Variants in PPP2R2B observed in about 807,000 individuals in gnomAD.
The protein encoded by PPP2R2B is serine/threonine-protein phosphatase 2A 55 kDa regulatory subunit B beta isoform.
PPP2R2B carries 5 observed loss-of-function variants against 46.0 expected under a neutral mutation model. The ratio of observed to expected loss-of-function variants is 0.11; its 90% CI spans 0.06 to 0.23. PPP2R2B has a LOEUF of 0.23. Ranked by LOEUF, PPP2R2B falls within the 10% of genes least tolerant of loss-of-function variation. The pLI is 1.00. For synonymous variants in PPP2R2B, 215 were observed against 206.7 expected (o/e 1.04, Z -0.34); for missense variants, 367 against 575.0 (o/e 0.64, Z 3.70).
intron 1 of PPP2R2B, among the ~76,000 whole-genome samples, chr5:146,944,058 C>T (rs954186295): frequency 1.3e-5 from 2 of 152,186 alleles, no homozygotes; most frequent in Admixed American, 6.6e-5. Flanking sequence ...GACCAGCCTC[C>T]TCATCCTTAT....
intron 1 of PPP2R2B, among the ~76,000 whole-genome samples, chr5:146,964,331 C>T (rs1752310396): frequency 1.3e-5 from 2 of 152,116 alleles, no homozygotes; most frequent in African/African-American, 2.4e-5. Context: ...AATATAAATA[C>T]TCTAATTCCC....
chr5:146,752,055 A>G (rs1478857740), intron 2 of PPP2R2B, among the ~76,000 whole-genome samples: 1 of 152,134 alleles, frequency 6.6e-6, no homozygotes, highest in African/African-American at 2.4e-5. Context: ...CCACAGAGAC[A>G]TGATTTGACT....
intron 1 of PPP2R2B, among the ~76,000 whole-genome samples, chr5:146,975,736 T>C (rs1188822180): frequency 1.3e-5 from 2 of 152,210 alleles, no homozygotes; most frequent in South Asian, 2.1e-4. Flanking sequence ...TGATCATTAG[T>C]GATGTTGAAC....
At chr5:146,744,127 C>T (rs979998862) in intron 2 of PPP2R2B, among the ~76,000 whole-genome samples, 2 of 152,196 alleles carry the variant, frequency 1.3e-5, no homozygotes, top group Non-Finnish European at 2.9e-5. Flanking sequence ...ATGCTTGCTC[C>T]TTCCTCCTTT....
intron 2 of PPP2R2B, among the ~76,000 whole-genome samples, chr5:146,740,909 C>A (rs1752834768): frequency 6.6e-6 from 1 of 152,028 alleles, no homozygotes; most frequent in African/African-American, 2.4e-5. Flanking sequence ...ATTAAAAATG[C>A]AGATTCCATC....
chr5:147,047,849 T>G (rs183894818), intron 1 of PPP2R2B, among the ~76,000 whole-genome samples: 5 of 152,252 alleles, frequency 3.3e-5, no homozygotes, highest in Non-Finnish European at 7.4e-5. Context: ...CTGCCAGATA[T>G]CAGAAGCCTT....
chr5:146,976,347 G>A (rs1483774952), intron 1 of PPP2R2B, among the ~76,000 whole-genome samples: 1 of 151,918 alleles, frequency 6.6e-6, no homozygotes, highest in Non-Finnish European at 1.5e-5. Context: ...ATGTTGGCCA[G>A]GCTGGTCTCG....
At chr5:146,863,341 G>T (rs1224620539) in intron 2 of PPP2R2B, among the ~76,000 whole-genome samples, 2 of 152,050 alleles carry the variant, frequency 1.3e-5, no homozygotes, top group Non-Finnish European at 2.9e-5. Flanking sequence ...GATAGTTCAG[G>T]GTTCTAGGGA....
chr5:147,027,485 TAGCTGGG>T (rs1173349525), intron 1 of PPP2R2B, among the ~76,000 whole-genome samples: 1 of 151,896 alleles, frequency 6.6e-6, no homozygotes, highest in African/African-American at 2.4e-5. Flanking sequence ...ATACAAAAAT[TAGCTGGG>T]AGTGGTGGCA....
chr5:146,707,161 A>G (rs533301928), intron 2 of PPP2R2B: 1 of 1,595,228 alleles, frequency 6.3e-7, no homozygotes, highest in Non-Finnish European at 8.5e-7. Context: ...CAGAGTCTCC[A>G]GCTGCCGCCT....
intron 1 of PPP2R2B, among the ~76,000 whole-genome samples, chr5:146,974,071 T>G (rs1752783142): frequency 6.6e-6 from 1 of 152,198 alleles, no homozygotes; most frequent in Middle Eastern, 3.2e-3. Flanking sequence ...CTAAGTAGAT[T>G]AAGTTAGAAA....
At chr5:146,931,863 A>G (rs980946421) in intron 1 of PPP2R2B, among the ~76,000 whole-genome samples, 3 of 152,200 alleles carry the variant, frequency 2.0e-5, no homozygotes, top group Admixed American at 6.6e-5. Flanking sequence ...ACTTTCCTAT[A>G]TAATGTAGAA....
chr5:146,862,859 G>GAAAA (rs370025208), intron 2 of PPP2R2B, among the ~76,000 whole-genome samples: 2 of 106,618 alleles, frequency 1.9e-5, no homozygotes, highest in African/African-American at 6.3e-5. Flanking sequence ...CAAGTAATTG[G>GAAAA]AAAAAAAAAA....
At chr5:146,718,003 A>G (rs1486524973) in intron 2 of PPP2R2B, among the ~76,000 whole-genome samples, 1 of 152,142 alleles carries the variant, frequency 6.6e-6, no homozygotes, top group Non-Finnish European at 1.5e-5. Flanking sequence ...TGCATCTACC[A>G]TAATTCATCA....
At chr5:146,908,248 T>C (rs887215425) in intron 1 of PPP2R2B, among the ~76,000 whole-genome samples, 2 of 152,146 alleles carry the variant, frequency 1.3e-5, no homozygotes, top group Non-Finnish European at 2.9e-5. Flanking sequence ...CAACATTAGA[T>C]TGTACTACAT....
At chr5:146,726,088 A>G (rs1166701063) in intron 2 of PPP2R2B, among the ~76,000 whole-genome samples, 2 of 152,150 alleles carry the variant, frequency 1.3e-5, no homozygotes, top group African/African-American at 4.8e-5. Context: ...CTTGATCATT[A>G]CTTGTCTTTG....
intron 2 of PPP2R2B, among the ~76,000 whole-genome samples, chr5:146,739,094 A>G (rs1752715166): frequency 6.6e-6 from 1 of 152,044 alleles, no homozygotes; most frequent in Non-Finnish European, 1.5e-5. Flanking sequence ...ATCACGGCTC[A>G]CAGCAGCCTT....
At position 146,838,546 on chromosome 5, in the gene PPP2R2B, A is replaced by G. The variant is rs114786412; in HGVS notation, c.70+39456T>C. ...AGATTGTGCCACTGCACTCCTGCCC[A>G]GAGGACAAAGTGAGCCTCCATCTCA... On this transcript the variant is annotated intron_variant, in intron 2 of 9. Transcript: ENST00000394411. Among the ~76,000 whole-genome samples the G allele has an allele frequency of 4.1e-3, 607 of 149,520 alleles. 6 individuals carry two copies. The highest frequency in any genetic ancestry group is 0.014 in the African/African-American group (575 of 40,408).
chr5:146,976,710 T>C (rs1418083272), intron 1 of PPP2R2B, among the ~76,000 whole-genome samples: 2 of 152,228 alleles, frequency 1.3e-5, no homozygotes, highest in Admixed American at 6.5e-5. Flanking sequence ...CAGTACCATA[T>C]GGATTTATTT....
Sources: allele counts gnomAD v4.1 joint callset (sites outside exome capture counted in the v4.1 genomes callset), GRCh38; gene constraint gnomAD v4.1.1; transcripts MANE v1.5; gene names NCBI Gene and HGNC (gene_info 2026-07-23, HGNC 2026-07-21).